The following FIGN variants were observed in gnomAD, a reference collection of about 807,000 sequenced individuals.
The protein encoded by FIGN is fidgetin.
In FIGN, 11 loss-of-function variants were observed where a neutral mutation model predicts 51.3. That is an observed-to-expected ratio of 0.21 (90% CI 0.13 to 0.35). FIGN has a LOEUF of 0.35. FIGN is among the 10% of genes least tolerant of loss of function. The pLI is 1.00. For synonymous variants in FIGN, 407 were observed against 363.2 expected, an observed-to-expected ratio of 1.12 and a Z score of -1.37; for missense variants, 857 against 943.6, an observed-to-expected ratio of 0.91 and a Z score of 1.20.
In FIGN at chr2:163,609,612, T is replaced by C. The variant is rs754188519; in HGVS notation, c.2220A>G (p.Ile740Met). The change falls in exon 3 of 3, where the codon ATA (isoleucine) becomes ATG (methionine). Residue 740 changes from isoleucine (I) to methionine (M), a missense_variant. Around this residue, in one of 3 missense-constraint regions of FIGN, gnomAD observed 799 missense variants for 849.5 expected, o/e 0.94. Coordinates refer to ENST00000333129, the MANE Select transcript of FIGN (RefSeq NM_018086.4). ...CATACATATCAAGCTCCTTTTGAGA[T>C]ATGCTAGGCTGAATCTTGCAGAAAG... The part of the protein sequence containing the change: ...ENAFCKIQPS[I>M]SQKELDMYVE... 1.9e-6 allele frequency: 3 copies of C among 1,614,060 alleles called. No homozygotes were observed. The South Asian group carries it at 3.3e-5, about 18-fold the overall frequency.
chr2:163,691,080 C>CT (rs1345851099), intron 2 of FIGN, among the ~76,000 whole-genome samples: 1 of 152,028 alleles, frequency 6.6e-6, no homozygotes, highest in South Asian at 2.1e-4. Context: ...CAAAAATAAA[C>CT]TTTTTCCCAA....
At position 163,610,951 on chromosome 2, in the gene FIGN, G is replaced by T. The variant is rs1691238632; in HGVS notation, c.881C>A (p.Thr294Asn). 5 of 1,613,626 alleles carry T rather than the reference G, an allele frequency of 3.1e-6. No homozygotes were observed. Among genetic ancestry groups the T allele is most frequent in the Non-Finnish European group, 4.2e-6 (5 of 1,179,920 alleles). The change falls in exon 3 of 3, where the codon ACC (threonine) becomes AAC (asparagine). Residue 294 changes from threonine to asparagine, a missense_variant. Coordinates refer to ENST00000333129, the MANE Select transcript of FIGN (RefSeq NM_018086.4). ...AGGTGTCAAACCATGGCCCTGGTAG[G>T]TGTAGCCAGGAACAGTGGTGGGGGG... ...PLPPTTVPGY[T>N]YQGHGLTPIA...
intron 2 of FIGN, among the ~76,000 whole-genome samples, chr2:163,653,406 A>G (rs1683508737): frequency 6.6e-6 from 1 of 152,058 alleles, no homozygotes. Flanking sequence ...CAACGAAAAG[A>G]CCTTAAAAAT....
intron 2 of FIGN, among the ~76,000 whole-genome samples, chr2:163,694,581 G>A (rs555199670): frequency 2.0e-5 from 3 of 152,274 alleles, no homozygotes; most frequent in African/African-American, 4.8e-5. Flanking sequence ...CATAGAAAGT[G>A]TCAATCCAGT....
At chr2:163,644,040 C>T (rs191427887) in intron 2 of FIGN, among the ~76,000 whole-genome samples, 20 of 147,976 alleles carry the variant, frequency 1.4e-4, no homozygotes, top group Admixed American at 2.1e-4. Flanking sequence ...AGGGATTTGG[C>T]GAAGAATTCT....
intron 2 of FIGN, among the ~76,000 whole-genome samples, chr2:163,695,802 T>A (rs574941027): frequency 6.6e-6 from 1 of 152,052 alleles, no homozygotes; most frequent in East Asian, 1.9e-4. Flanking sequence ...GCTTAGCACA[T>A]CTTGGATTCT....
rs374625482 is a variant in FIGN, at chr2:163,610,860, T to C, written c.972A>G (p.Ala324=). 8 of 1,613,870 alleles carry C rather than the reference T, an allele frequency of 5.0e-6. No homozygotes were observed. The African/African-American group carries it at 9.4e-5, about 19-fold the overall frequency. Residue 324 remains alanine, a synonymous_variant, in exon 3 of 3, where the codon GCA becomes GCG. Coordinates refer to ENST00000333129, the MANE Select transcript of FIGN (RefSeq NM_018086.4). The part of the protein sequence containing the change: ...SSLKRKAFYM[A]GQGDMDSSYG... Reference sequence around the variant, plus strand: ...AACTGGAGTCCATATCTCCTTGCCCTGCCATGTAGAAAGCTTTCCTTTTGA... The same window carrying C: ...AACTGGAGTCCATATCTCCTTGCCCCGCCATGTAGAAAGCTTTCCTTTTGA...
At chr2:163,707,492 G>A (rs1684519856) in intron 2 of FIGN, among the ~76,000 whole-genome samples, 1 of 152,130 alleles carries the variant, frequency 6.6e-6, no homozygotes, top group Admixed American at 6.6e-5. Flanking sequence ...GATTAAAAAT[G>A]CAGAAGAGAT....
At chr2:163,650,538 C>G (rs1424962704) in intron 2 of FIGN, among the ~76,000 whole-genome samples, 1 of 152,054 alleles carries the variant, frequency 6.6e-6, no homozygotes, top group Non-Finnish European at 1.5e-5. Flanking sequence ...GCTATCCCTC[C>G]CCAGCCCCCA....
chr2:163,629,952 CTTTTTTT>C (rs71297448), intron 2 of FIGN, among the ~76,000 whole-genome samples: 6 of 56,926 alleles, frequency 1.1e-4, no homozygotes, highest in East Asian at 4.0e-4. Context: ...GAAAGGGGCA[CTTTTTTT>C]TTTTTTTTTT....
At chr2:163,702,770 T>C (rs1376585178) in intron 2 of FIGN, among the ~76,000 whole-genome samples, 3 of 152,298 alleles carry the variant, frequency 2.0e-5, no homozygotes, top group Non-Finnish European at 4.4e-5. Context: ...AATCAATCCA[T>C]CTAACACAGA....
intron 2 of FIGN, among the ~76,000 whole-genome samples, chr2:163,721,015 A>T (rs1189908920): frequency 6.6e-6 from 1 of 152,072 alleles, no homozygotes; most frequent in Non-Finnish European, 1.5e-5. Flanking sequence ...AGGAAGGAGG[A>T]AGCAGTAAAA....
intron 2 of FIGN, among the ~76,000 whole-genome samples, chr2:163,721,249 A>C (rs549151247): frequency 1.3e-5 from 2 of 152,302 alleles, no homozygotes; most frequent in East Asian, 3.9e-4. Flanking sequence ...GTAGAATTTT[A>C]AGCCTCTTTT....
intron 2 of FIGN, among the ~76,000 whole-genome samples, chr2:163,619,401 G>A (rs1263631723): frequency 6.6e-6 from 1 of 152,116 alleles, no homozygotes; most frequent in Admixed American, 6.6e-5. Flanking sequence ...CAGGCACCAT[G>A]ACTTGGACTA....
rs1381228433 is a variant in FIGN, at chr2:163,686,783, C to T, written c.25+48120G>A. Among the ~76,000 whole-genome samples, 111 of 151,302 alleles carry T rather than the reference C, an allele frequency of 7.3e-4. 1 individual carries two copies. The highest frequency in any genetic ancestry group is 1.4e-3 in the Non-Finnish European group (95 of 67,844). On this transcript the variant is annotated intron_variant, in intron 2 of 2. Transcript: ENST00000333129. ...GTATATATATATATACACATACACA[C>T]ACACACACACACATATATATATATT... is the stretch of plus-strand genomic sequence containing the variant.
intron 2 of FIGN, among the ~76,000 whole-genome samples, chr2:163,699,400 G>A (rs1431689418): frequency 1.3e-5 from 2 of 152,020 alleles, no homozygotes. Flanking sequence ...AAACCACACA[G>A]CTACCTAATT....
At chr2:163,686,646 A>G (rs1470756956) in intron 2 of FIGN, among the ~76,000 whole-genome samples, 1 of 152,078 alleles carries the variant, frequency 6.6e-6, no homozygotes, top group Non-Finnish European at 1.5e-5. Flanking sequence ...TTGAGACCAA[A>G]TATTATCAAT....
At chr2:163,683,270 G>A (rs914261809) in intron 2 of FIGN, among the ~76,000 whole-genome samples, 1 of 152,204 alleles carries the variant, frequency 6.6e-6, no homozygotes, top group Non-Finnish European at 1.5e-5. Flanking sequence ...GATATCAGAA[G>A]ATTAGTTTTG....
At chr2:163,624,436 A>C (rs541476292) in intron 2 of FIGN, among the ~76,000 whole-genome samples, 2 of 151,794 alleles carry the variant, frequency 1.3e-5, no homozygotes, top group Non-Finnish European at 2.9e-5. Flanking sequence ...AAGAAAAAAA[A>C]AAAAGAGAGA....
Sources: allele counts gnomAD v4.1 joint callset (sites outside exome capture counted in the v4.1 genomes callset), GRCh38; gene constraint gnomAD v4.1.1; regional missense constraint gnomAD v4.1.1; transcripts MANE v1.5; gene names NCBI Gene and HGNC (gene_info 2026-07-23, HGNC 2026-07-21).